The following MYO3B variants were observed in gnomAD, a reference collection of about 807,000 sequenced individuals.
The protein encoded by MYO3B is myosin-IIIb.
MYO3B carries 156 observed loss-of-function variants against 174.6 expected under a neutral mutation model. That is an observed-to-expected ratio of 0.89 (90% CI 0.78 to 1.02). MYO3B has a LOEUF of 1.02. MYO3B is among the 50% of genes least tolerant of loss of function. The pLI, the probability that MYO3B is intolerant of heterozygous loss-of-function variation, is 0.00. For missense variants in MYO3B, 1,632 were observed against 1,639.4 expected, an observed-to-expected ratio of 1.00 and a Z score of 0.08; for synonymous variants, 563 against 569.1, an observed-to-expected ratio of 0.99 and a Z score of 0.15.
At position 170,371,600 on chromosome 2, in the gene MYO3B, T is replaced by C. The variant is rs147981486; in HGVS notation, c.971+2223T>C. ...ACTGGCAAGGAGCTGGCTACATAGA[T>C]GTTTTTCAGCCCACCAGGAAAAACT... On this transcript the variant is annotated intron_variant, in intron 9 of 34. Coordinates refer to ENST00000408978, the MANE Select transcript of MYO3B (RefSeq NM_138995.5). 7.7e-3 allele frequency among the ~76,000 whole-genome samples: 1,176 copies of C among 152,112 alleles called. 18 individuals are homozygous for C. Among genetic ancestry groups the C allele is most frequent in the African/African-American group, 0.027 (1,133 of 41,484 alleles).
rs879810792 is a variant in MYO3B, at chr2:170,533,433, G to C, written c.3576-9473G>C. Among the ~76,000 whole-genome samples, 758 of 148,334 alleles carry C rather than the reference G, an allele frequency of 5.1e-3. 6 individuals are homozygous for C. The highest frequency in any genetic ancestry group is 9.6e-3 in the Admixed American group (144 of 15,040). ...ATTATCTTTTGTGGGGGTGGGGGGG[G>C]GGTGTGCAGTGGTGAAAAGAACATC... is the stretch of plus-strand genomic sequence containing the variant. On this transcript the variant is annotated intron_variant, in intron 30 of 34. Coordinates refer to ENST00000408978, the MANE Select transcript of MYO3B (RefSeq NM_138995.5).
rs576618608 is a variant in MYO3B at position 170,206,711 on chromosome 2, C to A, written c.321+6427C>A. Among the ~76,000 whole-genome samples, 2 of 152,270 alleles carry A rather than the reference C, an allele frequency of 1.3e-5. No homozygotes were observed. Among genetic ancestry groups the A allele is most frequent in the South Asian group, 4.2e-4 (2 of 4,818 alleles). On this transcript the variant is annotated intron_variant, in intron 3 of 34. Transcript: ENST00000408978. The surrounding 1 kb of genome is among the most constrained non-coding windows in gnomAD (Gnocchi z 4.3). ...CGTACTCAGTTTTTTAGGGCCTCTTCTCTCCCTCTTCCCTCTCCCTTTTCC... is the reference window on the plus strand; with the variant it reads ...CGTACTCAGTTTTTTAGGGCCTCTTATCTCCCTCTTCCCTCTCCCTTTTCC...
intron 32 of MYO3B, among the ~76,000 whole-genome samples, chr2:170,622,050 A>G (rs1695965226): frequency 6.6e-6 from 1 of 152,208 alleles, no homozygotes; most frequent in East Asian, 1.9e-4. Context: ...CCAAAAGCCA[A>G]CTATTTCTAC....
chr2:170,370,883 G>GCT (rs147634999), intron 9 of MYO3B, among the ~76,000 whole-genome samples: 48 of 149,774 alleles, frequency 3.2e-4, no homozygotes, highest in Middle Eastern at 3.4e-3. Flanking sequence ...CCAGATCTAT[G>GCT]CTCTCTCTCT....
At chr2:170,299,474 G>A (rs1330994403) in intron 7 of MYO3B, among the ~76,000 whole-genome samples, 2 of 151,286 alleles carry the variant, frequency 1.3e-5, no homozygotes, top group African/African-American at 2.4e-5. Context: ...TTTTTTTTTA[G>A]AAGAAATGAA....
At chr2:170,642,799 T>A (rs1475618824) in intron 32 of MYO3B, among the ~76,000 whole-genome samples, 2 of 152,254 alleles carry the variant, frequency 1.3e-5, no homozygotes, top group Admixed American at 6.5e-5. Flanking sequence ...AGGGCATACT[T>A]CCCTGTCTCC....
At chr2:170,592,014 C>T (rs1341594454) in intron 32 of MYO3B, among the ~76,000 whole-genome samples, 1 of 152,170 alleles carries the variant, frequency 6.6e-6, no homozygotes, top group African/African-American at 2.4e-5. Context: ...TTATTCAATT[C>T]CCACAATAAT....
chr2:170,263,905 G>C (rs916014563), intron 7 of MYO3B, among the ~76,000 whole-genome samples: 18 of 152,178 alleles, frequency 1.2e-4, no homozygotes, highest in African/African-American at 4.3e-4. Flanking sequence ...CTTCCCGTGA[G>C]GCCATATCTC....
intron 6 of MYO3B, among the ~76,000 whole-genome samples, chr2:170,226,592 G>A (rs1220798430): frequency 6.6e-6 from 1 of 152,180 alleles, no homozygotes; most frequent in Non-Finnish European, 1.5e-5. Flanking sequence ...TGGGGAGGTT[G>A]AGTCATGTGT....
At chr2:170,443,210 C>A (rs957700199) in intron 22 of MYO3B, among the ~76,000 whole-genome samples, 5 of 152,178 alleles carry the variant, frequency 3.3e-5, no homozygotes, top group African/African-American at 1.2e-4. Context: ...GATGGTATCT[C>A]ATTGTGGTTT....
At chr2:170,376,611 T>G (rs921548016) in intron 9 of MYO3B, among the ~76,000 whole-genome samples, 20 of 152,166 alleles carry the variant, frequency 1.3e-4, no homozygotes, top group Admixed American at 7.9e-4. Context: ...CTCTATTTTT[T>G]TTTTTGCCTC....
intron 32 of MYO3B, among the ~76,000 whole-genome samples, chr2:170,580,815 A>C (rs574668921): frequency 6.6e-6 from 1 of 151,732 alleles, no homozygotes; most frequent in South Asian, 2.1e-4. Context: ...GAATATATTT[A>C]TCACTCTGCA....
At chr2:170,633,292 C>T (rs1697177101) in intron 32 of MYO3B, among the ~76,000 whole-genome samples, 1 of 152,146 alleles carries the variant, frequency 6.6e-6, no homozygotes, top group Non-Finnish European at 1.5e-5. Flanking sequence ...TTGGATTCAT[C>T]CCTGGATGCA....
At position 170,403,662 on chromosome 2, in the gene MYO3B, G is replaced by T. The variant is rs773234732; in HGVS notation, c.2278-585G>T. ...TTCTGGCTAAGCCTCTTCGATGCAG[G>T]GATAATTGTTTTAATGCAGGCATGA... is the stretch of plus-strand genomic sequence containing the variant. On this transcript the variant is annotated intron_variant, in intron 19 of 34. Coordinates refer to ENST00000408978, the MANE Select transcript of MYO3B (RefSeq NM_138995.5). 5.3e-5 allele frequency among the ~76,000 whole-genome samples: 8 copies of T among 152,152 alleles called. No homozygotes were observed. The East Asian group carries it at 1.5e-3, about 29-fold the overall frequency.
intron 25 of MYO3B, among the ~76,000 whole-genome samples, chr2:170,496,073 C>G: frequency 6.6e-6 from 1 of 152,218 alleles, no homozygotes; most frequent in Non-Finnish European, 1.5e-5. Context: ...TTCCTGGGTT[C>G]TGCCAAATGA....
chr2:170,203,358 T>A (rs2092682137), intron 3 of MYO3B, among the ~76,000 whole-genome samples: 2 of 152,166 alleles, frequency 1.3e-5, no homozygotes, highest in African/African-American at 4.8e-5. Flanking sequence ...GGAGTACTGG[T>A]AAATGAGGCT....
chr2:170,545,508 A>G (rs780092263), intron 32 of MYO3B, among the ~76,000 whole-genome samples: 2 of 152,242 alleles, frequency 1.3e-5, no homozygotes, highest in Non-Finnish European at 2.9e-5. Flanking sequence ...GTAGAGAAAT[A>G]AAGTTCTTTT....
chr2:170,404,459 CA>C, intron 20 of MYO3B, 59 bp downstream of exon 20: 1 of 1,496,946 alleles, frequency 6.7e-7, no homozygotes, highest in Non-Finnish European at 9.0e-7. Context: ...CTTGTGTCAT[CA>C]ATTGAGTGTA....
At chr2:170,223,170 A>G (rs940054419) in intron 6 of MYO3B, among the ~76,000 whole-genome samples, 7 of 152,170 alleles carry the variant, frequency 4.6e-5, no homozygotes, top group African/African-American at 1.4e-4. Context: ...TGGCCAGCTC[A>G]TAGTCACTTC....
Sources: allele counts gnomAD v4.1 joint callset (sites outside exome capture counted in the v4.1 genomes callset), GRCh38; gene constraint gnomAD v4.1.1; non-coding constraint Gnocchi (gnomAD v3.1); transcripts MANE v1.5; gene names NCBI Gene and HGNC (gene_info 2026-07-23, HGNC 2026-07-21).